Variants in PIK3R2 observed in about 807,000 individuals in gnomAD.
The protein encoded by PIK3R2 is phosphoinositide-3-kinase regulatory subunit 2.
A neutral mutation model predicts 78.5 loss-of-function variants in PIK3R2; 40 were observed. The observed-to-expected ratio is 0.51, with a 90% CI of 0.40 to 0.66. The LOEUF is 0.66. PIK3R2 is among the 30% of genes least tolerant of loss of function. PIK3R2 has a pLI of 0.00. For synonymous variants in PIK3R2, 473 were observed against 457.7 expected (o/e 1.03, Z -0.43); for missense variants, 880 against 1,026.6 (o/e 0.86, Z 1.95).
rs1035158341 is a variant in PIK3R2, at chr19:18,167,065, G to T, written c.1560-65G>T. 4.3e-6 allele frequency: 6 copies of T among 1,406,482 alleles called. No homozygotes were observed. The highest frequency in any genetic ancestry group is 5.7e-6 in the Non-Finnish European group (6 of 1,060,480). 87.1% of individuals were successfully genotyped at this position (1,406,482 alleles called of 1,614,324 possible). A position where few individuals can be genotyped will look rare whatever the true frequency, so the allele number is the denominator to read the frequency against. On this transcript the variant is annotated intron_variant, in intron 12 of 15. Transcript: ENST00000222254. This position sits in a 1 kb window ranked among gnomAD's most constrained non-coding sequence, Gnocchi z 4.5. ...GTAGGAGGGTCACCTGAGCCCAGGAGTTTGAGGGTGCAGTGAGCCGAGATA... is the reference window on the plus strand; with the variant it reads ...GTAGGAGGGTCACCTGAGCCCAGGATTTTGAGGGTGCAGTGAGCCGAGATA...
rs1195419870 is a variant in PIK3R2, at chr19:18,167,867, A to T, written c.1736+561A>T. Among the ~76,000 whole-genome samples, 1 of 152,020 alleles carries T rather than the reference A, an allele frequency of 6.6e-6. No individual in the cohort carries two copies. The highest frequency in any genetic ancestry group is 2.4e-5 in the African/African-American group (1 of 41,418). On this transcript the variant is annotated intron_variant, in intron 13 of 15. Coordinates refer to ENST00000222254, the MANE Select transcript of PIK3R2 (RefSeq NM_005027.4). This position sits in a 1 kb window ranked among gnomAD's most constrained non-coding sequence, Gnocchi z 4.5. The stretch of plus-strand genomic sequence containing the variant: ...CAACAGAGCAACACTCTGCCTCAGA[A>T]AAGAAAAGAAAAAAAAAATCGCCTG...
intron 1 of PIK3R2, among the ~76,000 whole-genome samples, chr19:18,155,196 CAAAAAAAAAAA>C (rs34249019): frequency 2.7e-5 from 3 of 109,262 alleles, no homozygotes; most frequent in African/African-American, 3.7e-5. Context: ...GACTCTATCT[CAAAAAAAAAAA>C]AAAAAAAAAC....
At position 18,161,862 on chromosome 19, in the gene PIK3R2, G is replaced by A. The variant is rs1255224458; in HGVS notation, c.816-104G>A. ...TCTCCTCCTCCGCCCTGCACATACT[G>A]TCTCGTATATACCCCCAGGCGTGCA... On this transcript the variant is annotated intron_variant, in intron 6 of 15. Coordinates refer to ENST00000222254, the MANE Select transcript of PIK3R2 (RefSeq NM_005027.4). The surrounding 1 kb of genome is among the most constrained non-coding windows in gnomAD (Gnocchi z 5.3). The A allele has an allele frequency of 1.1e-6, 1 of 924,104 alleles. No homozygotes were observed. Among genetic ancestry groups the A allele is most frequent in the African/African-American group, 1.6e-5 (1 of 61,528 alleles). 57.2% of individuals were successfully genotyped at this position (924,104 alleles called of 1,614,324 possible).
At position 18,167,239 on chromosome 19, in the gene PIK3R2, G is replaced by C. The variant is rs372272045; in HGVS notation, c.1669G>C (p.Asp557His). The change falls in exon 13 of 16, where the codon GAC becomes CAC. Residue 557 changes from aspartate to histidine, a missense_variant. By Grantham distance (81) the Asp-to-His change is moderately conservative. Transcript: ENST00000222254. The surrounding 1 kb of genome is among the most constrained non-coding windows in gnomAD (Gnocchi z 4.5). ...RAQASDNREI[D>H]KRMNSLKPDL... The stretch of plus-strand genomic sequence containing the variant: ...CCAGGCCTCGGACAACAGAGAGATC[G>C]ACAAGCGCATGAACAGCCTCAAGCC... The C allele has an allele frequency of 6.2e-7, 1 of 1,612,876 alleles. No individual in the cohort carries two copies. Among genetic ancestry groups the C allele is most frequent in the Non-Finnish European group, 8.5e-7 (1 of 1,179,592 alleles).
Position 18,162,151 on chromosome 19 carries a change from G to GC in PIK3R2, c.902-49dup, listed in dbSNP as rs763291529. 3 of 1,420,884 alleles carry GC rather than the reference G, an allele frequency of 2.1e-6. No homozygotes were observed. In the Admixed American group the frequency reaches 5.0e-5, roughly 24 times the overall value. The allele number at this position is 1,420,884 out of a possible 1,614,324, so 88.0% of individuals were successfully genotyped here. A position where few individuals can be genotyped will look rare whatever the true frequency, so the allele number is the denominator to read the frequency against. ...AGCAGGCTGGTTGCAGTGGGAGGCA[G>GC]CCACAGTATACAGTCGGTGCTCAGG... is the stretch of plus-strand genomic sequence containing the variant. On this transcript the variant is annotated intron_variant, in intron 7 of 15. Coordinates refer to ENST00000222254, the MANE Select transcript of PIK3R2 (RefSeq NM_005027.4).
Position 18,170,114 on chromosome 19 carries a change from G to C in PIK3R2, c.*820G>C, listed in dbSNP as rs546022600. 6.3e-6 allele frequency: 1 copy of C among 158,508 alleles called. No individual in the cohort carries two copies. Among genetic ancestry groups the C allele is most frequent in the African/African-American group, 2.4e-5 (1 of 41,626 alleles). The allele number at this position is 158,508 out of a possible 1,614,324, so 9.8% of individuals were successfully genotyped here. A position where few individuals can be genotyped will look rare whatever the true frequency, so the allele number is the denominator to read the frequency against. ...TCCCAGCTACTTGGGAGGCTGAGGC[G>C]TGAGAATCTCTTGAACCCAGGAGAT... On this transcript the variant is annotated 3_prime_UTR_variant, in exon 16 of 16. Coordinates refer to ENST00000222254, the MANE Select transcript of PIK3R2 (RefSeq NM_005027.4).
chr19:18,158,145 G>A (rs886272754), intron 2 of PIK3R2, among the ~76,000 whole-genome samples: 3 of 152,212 alleles, frequency 2.0e-5, no homozygotes, highest in Admixed American at 6.5e-5. Context: ...GACCCAGGCC[G>A]GGATATTTTT....
chr19:18,165,594 A>G (rs892510766), intron 11 of PIK3R2, among the ~76,000 whole-genome samples: 20 of 152,124 alleles, frequency 1.3e-4, no homozygotes, highest in African/African-American at 4.3e-4. Context: ...CAGACTCCTC[A>G]GGGTTCAAGA....
At position 18,162,047 on chromosome 19, in the gene PIK3R2, C is replaced by T; in HGVS notation, c.897C>T (p.Pro299=). The T allele has an allele frequency of 6.2e-7, 1 of 1,613,544 alleles. No homozygotes were observed. Among genetic ancestry groups the T allele is most frequent in the Non-Finnish European group, 8.5e-7 (1 of 1,179,674 alleles). Residue 299 remains proline, a synonymous_variant, in exon 7 of 16, where the codon CCC becomes CCT. Transcript: ENST00000222254. ...ACTTGGAAGAGCAGGAGGTTGCGCC[C>T]CCAGGTGAGTCCCCTGTATTGCTGT... ...QEHLEEQEVA[P]PALPPKPPKA...
chr19:18,169,263 CG>C lies in PIK3R2; in HGVS notation c.2159del (p.Gly720AlafsTer154). 2 of 1,535,074 alleles carry C rather than the reference CG, an allele frequency of 1.3e-6. No homozygotes were observed. The highest frequency in any genetic ancestry group is 1.7e-6 in the Non-Finnish European group (2 of 1,148,390). ...ACCCTGGCGCACCCAGTGCGCGCCC[CG>C]GGCCCCGGCCCGCCGCCTGCCGCCC... ...TVTLAHPVRA[P>X]GPGPPPAAR On this transcript the variant is annotated frameshift_variant, in exon 16 of 16. Transcript: ENST00000222254. LOFTEE classifies it high-confidence loss of function.
At position 18,162,426 on chromosome 19, in the gene PIK3R2, A is replaced by G. The variant is rs2043759465; in HGVS notation, c.1029A>G (p.Lys343=). 2 of 1,612,896 alleles carry G rather than the reference A, an allele frequency of 1.2e-6. No homozygotes were observed. The highest frequency in any genetic ancestry group is 1.7e-5 in the Admixed American group (1 of 59,964). ...CCCACAGGGAGGAGGTGAACGAGAA[A>G]CTCCGGGACACTCCCGATGGCACCT... is the stretch of plus-strand genomic sequence containing the variant. ...GDISREEVNE[K]LRDTPDGTFL... The change falls in exon 9 of 16, where the codon AAA becomes AAG. Residue 343 remains lysine, a synonymous_variant. Transcript: ENST00000222254.
rs953542284 is a variant in PIK3R2 at position 18,156,053 on chromosome 19, C to A, written c.174C>A (p.Pro58=). 6.4e-6 allele frequency: 10 copies of A among 1,562,226 alleles called. No individual in the cohort carries two copies. The highest frequency in any genetic ancestry group is 1.7e-4 in the Middle Eastern group (1 of 6,010). ...GCCCACAGAGCGTGGGCTGGATGCC[C>A]GGCCTCAACGAGCGCACACGGCAGC... ...ERCPQSVGWM[P]GLNERTRQRG... is the part of the protein sequence containing the mutation. Residue 58 remains proline (P), a synonymous_variant, in exon 2 of 16, where the codon CCC becomes CCA. Coordinates refer to ENST00000222254, the MANE Select transcript of PIK3R2 (RefSeq NM_005027.4). This position sits in a 1 kb window ranked among gnomAD's most constrained non-coding sequence, Gnocchi z 4.2.
chr19:18,165,541 A>G (rs953326388), intron 11 of PIK3R2, among the ~76,000 whole-genome samples: 1 of 151,944 alleles, frequency 6.6e-6, no homozygotes, highest in Admixed American at 6.6e-5. Context: ...TCAAACAAAA[A>G]AAATTTTGAG....
chr19:18,161,958 C>T lies in PIK3R2; in HGVS notation c.816-8C>T, dbSNP rs200494626. On this transcript the variant is annotated splice_region_variant and splice_polypyrimidine_tract_variant and intron_variant, in intron 6 of 15. Coordinates refer to ENST00000222254, the MANE Select transcript of PIK3R2 (RefSeq NM_005027.4). This position sits in a 1 kb window ranked among gnomAD's most constrained non-coding sequence, Gnocchi z 5.3. ...CCCAGCCCTCACCACACTCCCCTTCCCCCTAAGGAGTGAGCCCAGCCCTGA... is the reference window on the plus strand; with the variant it reads ...CCCAGCCCTCACCACACTCCCCTTCTCCCTAAGGAGTGAGCCCAGCCCTGA... The T allele has an allele frequency of 2.1e-4, 342 of 1,613,000 alleles. 2 individuals carry two copies. The highest frequency in any genetic ancestry group is 4.2e-5 in the Non-Finnish European group (49 of 1,179,182).
chr19:18,162,782 C>T (rs1169403131), intron 9 of PIK3R2, 185 bp from the exon 10 acceptor site: 17 of 619,294 alleles, frequency 2.7e-5, no homozygotes, highest in Non-Finnish European at 4.2e-5. Flanking sequence ...CCCAACTACT[C>T]GGGAGGCTGA....
At position 18,161,288 on chromosome 19, in the gene PIK3R2, G is replaced by C; in HGVS notation, c.608G>C (p.Gly203Ala). The C allele has an allele frequency of 1.4e-6, 2 of 1,387,922 alleles. No homozygotes were observed. Among genetic ancestry groups the C allele is most frequent in the Non-Finnish European group, 1.9e-6 (2 of 1,079,052 alleles). The allele number at this position is 1,387,922 out of a possible 1,614,324, so 86.0% of individuals were successfully genotyped here. ...EARRALREAA[G>A]PVGPALEPPT... is the part of the protein sequence containing the mutation. ...GGCCATCTGTCCGCAGAGGCCGCGG[G>C]GCCCGTGGGGCCGGCGCTGGAGCCA... Residue 203 changes from glycine to alanine, a missense_variant, in exon 6 of 16, where the codon GGG (glycine) becomes GCG (alanine). Physicochemically the swap from Gly to Ala is moderately conservative, Grantham distance 60. Around this residue, in one of 3 missense-constraint regions of PIK3R2, gnomAD observed 456 missense variants for 486.6 expected, o/e 0.94. Transcript: ENST00000222254. The surrounding 1 kb of genome is among the most constrained non-coding windows in gnomAD (Gnocchi z 5.3).
In PIK3R2 at chr19:18,169,166, G is replaced by A. The variant is rs2043842304; in HGVS notation, c.2059G>A (p.Gly687Arg). The change falls in exon 16 of 16, where the codon GGG becomes AGG. Residue 687 changes from glycine to arginine, a missense_variant. By Grantham distance (125) the Gly-to-Arg change is moderately radical. Transcript: ENST00000222254. ...CTTCGCGGAGCCCTACAACCTGTAC[G>A]GGTCGCTGAAGGAGCTGGTGCTGCA... ...FGFAEPYNLYGSLKELVLHYQ... is the reference protein window; with the variant it reads ...FGFAEPYNLYRSLKELVLHYQ... 1.3e-5 allele frequency: 21 copies of A among 1,611,008 alleles called. No individual in the cohort carries two copies. The highest frequency in any genetic ancestry group is 1.8e-5 in the Non-Finnish European group (21 of 1,179,810).
chr19:18,155,758 G>A lies in PIK3R2; in HGVS notation c.-122G>A. 3.8e-6 allele frequency: 3 copies of A among 793,024 alleles called. No individual in the cohort carries two copies. Among genetic ancestry groups the A allele is most frequent in the Non-Finnish European group, 5.8e-6 (3 of 517,910 alleles). The allele number at this position is 793,024 out of a possible 1,614,324, so 49.1% of individuals were successfully genotyped here. On this transcript the variant is annotated 5_prime_UTR_variant, in exon 2 of 16. Transcript: ENST00000222254. The stretch of plus-strand genomic sequence containing the variant: ...CCTGTGGTCGCCTGTGACTGCTGGA[G>A]ATAGAGGTCCCAGCACCCCAAGCCA...
At chr19:18,159,874 TG>T (rs1280039521) in intron 2 of PIK3R2, among the ~76,000 whole-genome samples, 7 of 152,166 alleles carry the variant, frequency 4.6e-5, no homozygotes, top group Admixed American at 3.3e-4. Context: ...CCCGAGTAGC[TG>T]GGATTACAGG....
Sources: gnomAD v4.1 joint callset for allele counts (sites outside exome capture counted in the v4.1 genomes callset) on GRCh38, gnomAD v4.1.1 for gene constraint, gnomAD v4.1.1 regional missense constraint, Gnocchi (gnomAD v3.1) non-coding constraint, MANE v1.5 for transcripts, NCBI Gene and HGNC (gene_info 2026-07-23, HGNC 2026-07-21) for gene names.